Variants in ZNF790 observed in about 807,000 individuals in gnomAD.
ZNF790 encodes the protein zinc finger protein 790.
In ZNF790, 8 loss-of-function variants were observed where a neutral mutation model predicts 12.1. That is an observed-to-expected ratio of 0.66 (90% CI 0.39 to 1.19). ZNF790 has a LOEUF of 1.19. Ranked by LOEUF, ZNF790 falls within the 50% of genes most tolerant of loss-of-function variation. The probability of loss-of-function intolerance (pLI) is 0.01; values close to 1 mark genes in which losing one functional copy is unlikely to be tolerated. For missense variants in ZNF790, 707 were observed against 752.2 expected, an observed-to-expected ratio of 0.94 and a Z score of 0.70; for synonymous variants, 252 against 244.3, an observed-to-expected ratio of 1.03 and a Z score of -0.29.
rs571628953 is a variant in ZNF790, at chr19:36,836,397, G to A, written c.-74+1940C>T. ...AAGTCAACTATTGAAGAGACCTTGA[G>A]CTAACTAGGATTGCAGTGCATTGTG... On this transcript the variant is annotated intron_variant, in intron 1 of 4. Transcript: ENST00000356725. Among the ~76,000 whole-genome samples, 8 of 152,114 alleles carry A rather than the reference G, an allele frequency of 5.3e-5. No homozygotes were observed. In the East Asian group the frequency reaches 1.4e-3, roughly 26 times the overall value.
At position 36,823,761 on chromosome 19, in the gene ZNF790, A is replaced by G. The variant is rs1246521684; in HGVS notation, c.39T>C (p.Asp13=). 2 of 1,612,894 alleles carry G rather than the reference A, an allele frequency of 1.2e-6. No homozygotes were observed. The highest frequency in any genetic ancestry group is 1.7e-6 in the Non-Finnish European group (2 of 1,179,672). ...HLMMFRDVAV[D]FSQEEWECLD... Reference sequence around the variant, plus strand: ...GGCACTCCCACTCCTCCTGAGAGAAATCTACAGCCACATCCCTGAACATCA... The same window carrying G: ...GGCACTCCCACTCCTCCTGAGAGAAGTCTACAGCCACATCCCTGAACATCA... Residue 13 remains aspartate, a synonymous_variant, in exon 3 of 5, where the codon GAT becomes GAC. Transcript: ENST00000356725.
chr19:36,844,404 C>G (rs555170709), intron 1 of ZNF790, among the ~76,000 whole-genome samples: 13 of 150,560 alleles, frequency 8.6e-5, no homozygotes, highest in Non-Finnish European at 1.6e-4. Flanking sequence ...AGAAATAGAC[C>G]AAAATGTGAT....
chr19:36,825,963 G>A (rs550814503), intron 1 of ZNF790, among the ~76,000 whole-genome samples: 1 of 152,152 alleles, frequency 6.6e-6, no homozygotes, highest in Non-Finnish European at 1.5e-5. Flanking sequence ...TCCTCAAGCC[G>A]CCTATGAATG....
At position 36,819,689 on chromosome 19, in the gene ZNF790, C is replaced by T. The variant is rs979721864; in HGVS notation, c.655G>A (p.Val219Ile). Reference protein sequence around the residue: ...PDSEVIQYQTVHTVKKTYECK... With the variant: ...PDSEVIQYQTIHTVKKTYECK... ...TCATATGTTTTCTTAACAGTGTGAA[C>T]TGTCTGATATTGAATAACTTCTGAA... The change falls in exon 5 of 5, where the codon GTT (valine) becomes ATT (isoleucine). Residue 219 changes from valine to isoleucine, a missense_variant. Coordinates refer to ENST00000356725, the MANE Select transcript of ZNF790 (RefSeq NM_206894.4). 3 of 1,613,072 alleles carry T rather than the reference C, an allele frequency of 1.9e-6. No homozygotes were observed. The highest frequency in any genetic ancestry group is 2.5e-6 in the Non-Finnish European group (3 of 1,179,568).
At chr19:36,846,009 A>G (rs1396149535) in intron 1 of ZNF790, among the ~76,000 whole-genome samples, 2 of 151,998 alleles carry the variant, frequency 1.3e-5, no homozygotes, top group African/African-American at 4.8e-5. Context: ...GCGTTTCACC[A>G]TGTTGGCCAG....
chr19:36,830,862 T>C (rs2071932046), intron 1 of ZNF790, among the ~76,000 whole-genome samples: 1 of 152,332 alleles, frequency 6.6e-6, no homozygotes, highest in East Asian at 1.9e-4. Context: ...AGTTTTAGGC[T>C]GGTGCAGTGG....
At chr19:36,836,628 G>A (rs896852883) in intron 1 of ZNF790, among the ~76,000 whole-genome samples, 11 of 151,998 alleles carry the variant, frequency 7.2e-5, no homozygotes, top group Non-Finnish European at 1.2e-4. Context: ...GTGGTGGCAC[G>A]CACCTGTAGT....
intron 1 of ZNF790, among the ~76,000 whole-genome samples, chr19:36,837,064 T>G (rs1726722): frequency 0.045 from 6,830 of 152,214 alleles, 505 homozygotes; most frequent in African/African-American, 0.16. Context: ...CAAAACTGAC[T>G]TGAATCCAAC....
rs186410256 is a variant in ZNF790 at position 36,830,186 on chromosome 19, T to A, written c.-73-4494A>T. Among the ~76,000 whole-genome samples the A allele has an allele frequency of 4.6e-5, 7 of 152,304 alleles. No individual in the cohort carries two copies. In the East Asian group the frequency reaches 1.2e-3, roughly 25 times the overall value. ...GTTGGCTGTGGGTTTTTCCTAGATA[T>A]CAGGTTGAATTCCTCTTTATTCCTA... is the stretch of plus-strand genomic sequence containing the variant. On this transcript the variant is annotated intron_variant, in intron 1 of 4. Transcript: ENST00000356725.
At chr19:36,823,243 C>T in intron 4 of ZNF790, 42 bp downstream of exon 4, 1 of 1,550,838 alleles carries the variant, frequency 6.4e-7, no homozygotes, top group Non-Finnish European at 8.9e-7. Context: ...GAGCTGTTAT[C>T]CACAACAATG....
At chr19:36,845,821 G>A (rs1226874979) in intron 1 of ZNF790, among the ~76,000 whole-genome samples, 2 of 151,152 alleles carry the variant, frequency 1.3e-5, no homozygotes, top group Non-Finnish European at 2.9e-5. Flanking sequence ...TGAGGGGGGT[G>A]GTGGGAGACG....
upstream of ZNF790, among the ~76,000 whole-genome samples, chr19:36,839,800 C>T (rs189728418): frequency 1.7e-4 from 26 of 152,272 alleles, no homozygotes; most frequent in African/African-American, 5.5e-4. Context: ...CGGTGGCTCA[C>T]GCCTGTAATC....
rs397782483 is a variant in ZNF790 at position 36,844,007 on chromosome 19, CAA to C, written c.-74+5993_-74+5994del. Among the ~76,000 whole-genome samples, 75 of 86,782 alleles carry C rather than the reference CAA, an allele frequency of 8.6e-4. 1 individual carries two copies. The highest frequency in any genetic ancestry group is 2.0e-3 in the Admixed American group (14 of 6,958). 56.9% of individuals were successfully genotyped at this position (86,782 alleles called of 152,430 possible). On this transcript the variant is annotated intron_variant, in intron 1 of 4. Coordinates refer to the ZNF790 transcript ENST00000528994. ...TGGCAACAAGAGCGAAACTCCATCT[CAA>C]AAAAAAAAAAAAATTAAAAAAAAAA...
intron 4 of ZNF790, among the ~76,000 whole-genome samples, chr19:36,821,300 GA>G (rs2071666458): frequency 6.6e-6 from 1 of 152,054 alleles, no homozygotes; most frequent in Non-Finnish European, 1.5e-5. Flanking sequence ...ATGGAAAGAT[GA>G]CAAACTGCAG....
rs1263042972 is a variant in ZNF790, at chr19:36,819,098, G to A, written c.1246C>T (p.His416Tyr). 1 of 1,613,644 alleles carries A rather than the reference G, an allele frequency of 6.2e-7. No individual in the cohort carries two copies. The highest frequency in any genetic ancestry group is 2.2e-5 in the East Asian group (1 of 44,866). The change falls in exon 5 of 5, where the codon CAT becomes TAT. Residue 416 changes from histidine to tyrosine, a missense_variant. Physicochemically the swap from His to Tyr is moderately conservative, Grantham distance 83. Coordinates refer to ENST00000356725, the MANE Select transcript of ZNF790 (RefSeq NM_206894.4). ...SSHLARHQRI[H>Y]TGRKPYECKQ... is the part of the protein sequence containing the mutation. ...CATTCATAAGGTTTCCTGCCAGTAT[G>A]AATTCGCTGATGTCGAGCAAGGTGT...
chr19:36,825,981 A>C (rs74481799), intron 1 of ZNF790, among the ~76,000 whole-genome samples: 3,048 of 152,306 alleles, frequency 0.02, 75 homozygotes, highest in African/African-American at 0.051. Context: ...ATGTCAGTTA[A>C]TTGTCTCATT....
intron 1 of ZNF790, among the ~76,000 whole-genome samples, chr19:36,834,874 C>T (rs1421319578): frequency 6.6e-6 from 1 of 152,134 alleles, no homozygotes; most frequent in Non-Finnish European, 1.5e-5. Context: ...AAAAAATAAG[C>T]AGAGGCCATG....
At chr19:36,820,186 T>A in intron 4 of ZNF790, 72 bp from the exon 5 acceptor site, 1 of 1,457,668 alleles carries the variant, frequency 6.9e-7, no homozygotes, top group Non-Finnish European at 9.1e-7. Context: ...AAAATAGATA[T>A]AGAAAATCTT....
chr19:36,825,581 T>C (rs1279696789), intron 2 of ZNF790, 30 bp downstream of exon 2: 1 of 1,610,888 alleles, frequency 6.2e-7, no homozygotes, highest in Non-Finnish European at 8.5e-7. Context: ...AAATGGGTTA[T>C]ATTTTTGGAG....
Sources: gnomAD v4.1 joint callset for allele counts (sites outside exome capture counted in the v4.1 genomes callset) on GRCh38, gnomAD v4.1.1 for gene constraint, MANE v1.5 for transcripts, NCBI Gene and HGNC (gene_info 2026-07-23, HGNC 2026-07-21) for gene names.